Variants in USH2A observed in about 807,000 individuals in gnomAD.
USH2A encodes Usher syndrome 2A (autosomal recessive, mild).
In USH2A, 443 loss-of-function variants were observed where a neutral mutation model predicts 538.9. The ratio of observed to expected loss-of-function variants is 0.82; its 90% CI spans 0.76 to 0.89. The LOEUF (loss-of-function observed/expected upper bound fraction) is 0.89. Ranked by LOEUF, USH2A falls within the 40% of genes least tolerant of loss-of-function variation. The probability of loss-of-function intolerance (pLI) is 0.00; values close to 1 mark genes in which losing one functional copy is unlikely to be tolerated. For missense variants in USH2A, 6,633 were observed against 6,324.8 expected (o/e 1.05, Z -1.65); for synonymous variants, 2,413 against 2,273.5 (o/e 1.06, Z -1.75).
At chr1:216,057,797 T>A (rs892864371) in intron 30 of USH2A, among the ~76,000 whole-genome samples, 2 of 152,242 alleles carry the variant, frequency 1.3e-5, no homozygotes, top group African/African-American at 4.8e-5. Flanking sequence ...GAATTACTTT[T>A]TATTTACTTC....
Position 215,634,885 on chromosome 1 carries a change from C to A in USH2A, c.15053-182G>T, listed in dbSNP as rs143154241. 4.5e-4 allele frequency among the ~76,000 whole-genome samples: 69 copies of A among 152,302 alleles called. No homozygotes were observed. In the East Asian group the frequency reaches 0.013, roughly 28 times the overall value. The stretch of plus-strand genomic sequence containing the variant: ...GGTTCAGCAGGTTGCTGGGTTATAA[C>A]GAGATGCTTACAGCCCTTGAGAGGC... On this transcript the variant is annotated intron_variant, in intron 69 of 71. Transcript: ENST00000307340.
At chr1:215,890,999 T>C (rs1479417274) in intron 40 of USH2A, among the ~76,000 whole-genome samples, 3 of 152,190 alleles carry the variant, frequency 2.0e-5, no homozygotes, top group Non-Finnish European at 2.9e-5. Context: ...TTATTCCTCA[T>C]ATGTGAACTA....
rs535674706 is a variant in USH2A, at chr1:216,201,691, G to T, written c.3317-1570C>A. 36 of 207,094 alleles carry T rather than the reference G, an allele frequency of 1.7e-4. No homozygotes were observed. The East Asian group carries it at 4.6e-3, about 27-fold the overall frequency. 12.8% of individuals were successfully genotyped at this position (207,094 alleles called of 1,614,324 possible). A position where few individuals can be genotyped will look rare whatever the true frequency, so the allele number is the denominator to read the frequency against. On this transcript the variant is annotated intron_variant, in intron 16 of 71. Transcript: ENST00000307340. ...TGGAGGAGGCCTCCGCTGGTGTTGT[G>T]GGGGGCACCTTGGGCACTGACTCAG...
Position 215,798,893 on chromosome 1 carries a change from C to T in USH2A, c.9958+14G>A. 6.2e-7 allele frequency: 1 copy of T among 1,613,988 alleles called. No individual in the cohort carries two copies. The highest frequency in any genetic ancestry group is 1.1e-5 in the South Asian group (1 of 91,078). On this transcript the variant is annotated intron_variant, in intron 50 of 71. Coordinates refer to ENST00000307340, the MANE Select transcript of USH2A (RefSeq NM_206933.4). ...GATCCTCCATCTACTGAAAGGTAGA[C>T]CTGGGCCCCTTACCTGGAAGGCGAT...
chr1:216,000,606 C>T, intron 32 of USH2A, 44 bp from the exon 33 acceptor site: 1 of 1,609,054 alleles, frequency 6.2e-7, no homozygotes, highest in Non-Finnish European at 8.5e-7. Flanking sequence ...CATTATACTT[C>T]TTATTGAGGA....
chr1:215,744,956 T>C (rs77118263), intron 58 of USH2A, among the ~76,000 whole-genome samples: 3,556 of 152,308 alleles, frequency 0.023, 99 homozygotes, highest in Non-Finnish European at 0.025. Flanking sequence ...GCTTTCTATC[T>C]TTCCGGTATT....
chr1:215,703,319 C>T (rs1211092284), intron 61 of USH2A, among the ~76,000 whole-genome samples: 1 of 152,206 alleles, frequency 6.6e-6, no homozygotes, highest in Non-Finnish European at 1.5e-5. Context: ...GGCAGTCTGT[C>T]CCTTAGCGGA....
intron 3 of USH2A, among the ~76,000 whole-genome samples, chr1:216,392,938 T>G (rs1163877435): frequency 6.6e-6 from 1 of 152,218 alleles, no homozygotes; most frequent in African/African-American, 2.4e-5. Flanking sequence ...ATTTCTTTCT[T>G]TCTTATTATG....
At chr1:216,207,499 G>C (rs1316107632) in intron 15 of USH2A, 68 bp from the exon 16 acceptor site, 1 of 1,588,938 alleles carries the variant, frequency 6.3e-7, no homozygotes, top group East Asian at 2.2e-5. Flanking sequence ...ACTGAAGTAA[G>C]ATATCCAGCA....
At chr1:215,903,946 AT>A (rs1350164634) in intron 38 of USH2A, among the ~76,000 whole-genome samples, 2 of 152,116 alleles carry the variant, frequency 1.3e-5, no homozygotes, top group Non-Finnish European at 2.9e-5. Context: ...TTTAATTGAT[AT>A]TTTTATCTAT....
In USH2A at chr1:216,046,567, T is replaced by C; in HGVS notation, c.6189A>G (p.Val2063=). The part of the protein sequence containing the change: ...QEAPQEVQPP[V]AKSLPSSLLL... ...GCAAAGAACTGGGAAGGGATTTGGC[T>C]ACTGGTGGCTGAACCTCTTGTGGGG... The change falls in exon 32 of 72, where the codon GTA becomes GTG. Residue 2063 remains valine, a synonymous_variant. Coordinates refer to ENST00000307340, the MANE Select transcript of USH2A (RefSeq NM_206933.4). 1.9e-6 allele frequency: 3 copies of C among 1,613,898 alleles called. No homozygotes were observed. The highest frequency in any genetic ancestry group is 2.5e-6 in the Non-Finnish European group (3 of 1,179,794).
intron 30 of USH2A, among the ~76,000 whole-genome samples, chr1:216,064,498 T>C (rs568763310): frequency 4.1e-4 from 62 of 150,002 alleles, no homozygotes; most frequent in African/African-American, 1.5e-3. Context: ...TTGCTAGGGA[T>C]TGTTTTTTTT....
chr1:216,163,331 A>T (rs906040625), intron 21 of USH2A, among the ~76,000 whole-genome samples: 1 of 151,958 alleles, frequency 6.6e-6, no homozygotes, highest in Non-Finnish European at 1.5e-5. Context: ...GATTTTATTG[A>T]TAATATTAAT....
chr1:215,925,631 C>T (rs1666220536), intron 38 of USH2A, among the ~76,000 whole-genome samples: 1 of 152,104 alleles, frequency 6.6e-6, no homozygotes, highest in Admixed American at 6.6e-5. Context: ...TTAATCTCAT[C>T]TTTCCTTCTA....
intron 21 of USH2A, among the ~76,000 whole-genome samples, chr1:216,139,340 T>C (rs975237995): frequency 1.3e-5 from 2 of 151,848 alleles, no homozygotes; most frequent in Admixed American, 1.3e-4. Context: ...GCACAGGCTG[T>C]TAAAAATCTC....
At chr1:215,987,033 A>G (rs182899875) in intron 35 of USH2A, among the ~76,000 whole-genome samples, 1 of 152,310 alleles carries the variant, frequency 6.6e-6, no homozygotes, top group East Asian at 1.9e-4. Context: ...TTTATATTCT[A>G]TATTTTTAGT....
intron 21 of USH2A, among the ~76,000 whole-genome samples, chr1:216,111,680 C>G (rs1304447844): frequency 2.0e-5 from 3 of 148,106 alleles, no homozygotes; most frequent in Non-Finnish European, 4.5e-5. Context: ...TATGCCAATA[C>G]AATACTCAAA....
chr1:216,136,475 T>G (rs902935793), intron 21 of USH2A, among the ~76,000 whole-genome samples: 1 of 152,168 alleles, frequency 6.6e-6, no homozygotes, highest in Non-Finnish European at 1.5e-5. Flanking sequence ...GTTGGAGTTG[T>G]TTAATTCCTC....
chr1:215,701,646 C>CT (rs1184354128), intron 61 of USH2A, among the ~76,000 whole-genome samples: 4 of 151,964 alleles, frequency 2.6e-5, no homozygotes, highest in Admixed American at 6.6e-5. Context: ...GCAACCCCTG[C>CT]TTTTTTTGCT....
Sources: gnomAD v4.1 joint callset for allele counts (sites outside exome capture counted in the v4.1 genomes callset) on GRCh38, gnomAD v4.1.1 for gene constraint, MANE v1.5 for transcripts, NCBI Gene and HGNC (gene_info 2026-07-23, HGNC 2026-07-21) for gene names.